The following SLC3A2 variants were observed in gnomAD, a reference collection of about 807,000 sequenced individuals.
The protein encoded by SLC3A2 is amino acid transporter heavy chain SLC3A2.
In SLC3A2, 32 loss-of-function variants were observed where a neutral mutation model predicts 48.5. The observed-to-expected ratio is 0.66, with a 90% CI of 0.50 to 0.89. The LOEUF is 0.89. SLC3A2 is among the 40% of genes least tolerant of loss of function. SLC3A2 has a pLI of 0.00. For synonymous variants in SLC3A2, 277 were observed against 288.8 expected (o/e 0.96, Z 0.41); for missense variants, 587 against 680.7 (o/e 0.86, Z 1.53).
At chr11:62,887,711 A>G (rs1311856263) in intron 7 of SLC3A2, among the ~76,000 whole-genome samples, 1 of 152,088 alleles carries the variant, frequency 6.6e-6, no homozygotes, top group East Asian at 1.9e-4. Context: ...AAAAAAAAAA[A>G]AAAAAAAAGT....
At chr11:62,884,862 G>A (rs12366036) in intron 5 of SLC3A2, among the ~76,000 whole-genome samples, 172 bp downstream of exon 5, 30 of 83,896 alleles carry the variant, frequency 3.6e-4, no homozygotes, top group Non-Finnish European at 5.7e-4. Flanking sequence ...ATGGAGTTCC[G>A]CTCTTTTTGC....
At chr11:62,867,747 C>G (rs2085468972) in intron 1 of SLC3A2, among the ~76,000 whole-genome samples, 1 of 152,022 alleles carries the variant, frequency 6.6e-6, no homozygotes, top group African/African-American at 2.4e-5. Context: ...TTTCAAAGTG[C>G]TGGGATTATA....
chr11:62,876,927 C>T, upstream of SLC3A2: 1 of 994,500 alleles, frequency 1.0e-6, no homozygotes, highest in Non-Finnish European at 1.2e-6. Context: ...TGAACAGTTA[C>T]AAGTCTTGGT....
At chr11:62,856,275 G>T in exon 1 of SLC3A2, 2 of 1,611,026 alleles carry the variant, frequency 1.2e-6, no homozygotes, top group Non-Finnish European at 1.7e-6. Context: ...CCTCCATGGA[G>T]CTACAGCCTC....
upstream of SLC3A2, among the ~76,000 whole-genome samples, chr11:62,878,158 C>CA (rs1231829472): frequency 0.038 from 4,441 of 116,114 alleles, 81 homozygotes; most frequent in Non-Finnish European, 0.046. Context: ...GACCCTGTCT[C>CA]AAAAAAAAAA....
chr11:62,884,895 G>A (rs1331255203), intron 5 of SLC3A2, among the ~76,000 whole-genome samples: 2 of 120,636 alleles, frequency 1.7e-5, no homozygotes, highest in African/African-American at 3.1e-5. Flanking sequence ...GCGATGGCGT[G>A]ATCTTGGCTC....
intron 1 of SLC3A2, among the ~76,000 whole-genome samples, chr11:62,856,931 C>G (rs1310310251): frequency 6.7e-6 from 1 of 150,302 alleles, no homozygotes; most frequent in Admixed American, 6.7e-5. Flanking sequence ...TCAAGCAATT[C>G]TCCTGCCTCA....
rs1408537161 is a variant in SLC3A2 at position 62,881,903 on chromosome 11, G to T, written c.435G>T (p.Gly145=). The T allele has an allele frequency of 6.2e-7, 1 of 1,614,058 alleles. No individual in the cohort carries two copies. The highest frequency in any genetic ancestry group is 1.7e-5 in the Admixed American group (1 of 60,020). Residue 145 remains glycine, a synonymous_variant, in exon 2 of 9, where the codon GGG becomes GGT. Coordinates refer to ENST00000338663, the MANE Select transcript of SLC3A2 (RefSeq NM_001013251.3). This position sits in a 1 kb window ranked among gnomAD's most constrained non-coding sequence, Gnocchi z 4.0. ...HGAGNLAGLK[G]RLDYLSSLKV... ...CAGCCCCCATTTCAGGTCTGAAGGG[G>T]CGTCTCGATTACCTGAGCTCTCTGA...
intron 1 of SLC3A2, among the ~76,000 whole-genome samples, chr11:62,859,757 T>C (rs556929388): frequency 1.2e-4 from 18 of 152,264 alleles, no homozygotes; most frequent in Non-Finnish European, 1.8e-4. Flanking sequence ...TTGCAACCTC[T>C]TGTGAGTGAC....
chr11:62,869,483 C>T (rs1206808399), intron 1 of SLC3A2, among the ~76,000 whole-genome samples: 1 of 138,020 alleles, frequency 7.2e-6, no homozygotes, highest in Non-Finnish European at 1.5e-5. Context: ...GAGATTGCAC[C>T]ACTGCACTCC....
Position 62,884,448 on chromosome 11 carries a change from C to T in SLC3A2, c.691-9C>T, listed in dbSNP as rs1172198169. On this transcript the variant is annotated splice_polypyrimidine_tract_variant and intron_variant, in intron 3 of 8. Transcript: ENST00000338663. The stretch of plus-strand genomic sequence containing the variant: ...TGATGTCTGTCCTTTATTCTTCTGC[C>T]CCCTATAGGATGCTCTGGAGTTTTG... The T allele has an allele frequency of 6.8e-6, 11 of 1,613,952 alleles. No individual in the cohort carries two copies. The highest frequency in any genetic ancestry group is 9.3e-6 in the Non-Finnish European group (11 of 1,179,984).
chr11:62,881,783 T>A lies in SLC3A2; in HGVS notation c.425-110T>A. 8.1e-7 allele frequency: 1 copy of A among 1,236,816 alleles called. No individual in the cohort carries two copies. Among genetic ancestry groups the A allele is most frequent in the Non-Finnish European group, 1.1e-6 (1 of 881,226 alleles). 76.6% of individuals were successfully genotyped at this position (1,236,816 alleles called of 1,614,324 possible). On this transcript the variant is annotated intron_variant, in intron 1 of 8. Coordinates refer to ENST00000338663, the MANE Select transcript of SLC3A2 (RefSeq NM_001013251.3). The surrounding 1 kb of genome is among the most constrained non-coding windows in gnomAD (Gnocchi z 4.0). The stretch of plus-strand genomic sequence containing the variant: ...CGTGATTCAGCCTTGCCTCCCTCTC[T>A]CCCCCTTTGCCCCCTCCCCGTCCCA...
chr11:62,881,722 A>C lies in SLC3A2; in HGVS notation c.425-171A>C. On this transcript the variant is annotated intron_variant, in intron 1 of 8. Transcript: ENST00000338663. This position sits in a 1 kb window ranked among gnomAD's most constrained non-coding sequence, Gnocchi z 4.0. ...CCAGTTGCAACCGGTTTCTGAAGTA[A>C]TGTGCAGGACTCCTTACATCAGCTC... 1.2e-6 allele frequency: 1 copy of C among 845,292 alleles called. No individual in the cohort carries two copies. The highest frequency in any genetic ancestry group is 1.8e-6 in the Non-Finnish European group (1 of 559,388). The allele number at this position is 845,292 out of a possible 1,614,324, so 52.4% of individuals were successfully genotyped here.
chr11:62,861,002 C>A (rs891720983), intron 1 of SLC3A2, among the ~76,000 whole-genome samples: 1 of 152,112 alleles, frequency 6.6e-6, no homozygotes, highest in African/African-American at 2.4e-5. Flanking sequence ...TTTCTTAGTA[C>A]AGATCAAAAT....
At chr11:62,878,171 AC>A (rs1454034857), upstream of SLC3A2, among the ~76,000 whole-genome samples, 1 of 151,830 alleles carries the variant, frequency 6.6e-6, no homozygotes, top group Non-Finnish European at 1.5e-5. Flanking sequence ...AAAAAAAAAA[AC>A]AAAAAACAAA....
chr11:62,881,504 C>T lies in SLC3A2; in HGVS notation c.424+57C>T, dbSNP rs995359232. 2 of 1,500,294 alleles carry T rather than the reference C, an allele frequency of 1.3e-6. No homozygotes were observed. Among genetic ancestry groups the T allele is most frequent in the Non-Finnish European group, 1.8e-6 (2 of 1,128,794 alleles). The allele number at this position is 1,500,294 out of a possible 1,614,324, so 92.9% of individuals were successfully genotyped here. A position where few individuals can be genotyped will look rare whatever the true frequency, so the allele number is the denominator to read the frequency against. ...TCCGGTTGAATCTGGTGGCTTGCACCGACCCCCTCCCCTGTCCCCAGACGG... is the reference window on the plus strand; with the variant it reads ...TCCGGTTGAATCTGGTGGCTTGCACTGACCCCCTCCCCTGTCCCCAGACGG... On this transcript the variant is annotated intron_variant, in intron 1 of 8. Transcript: ENST00000338663. The surrounding 1 kb of genome is among the most constrained non-coding windows in gnomAD (Gnocchi z 4.0).
chr11:62,876,082 C>G (rs2085568711), upstream of SLC3A2, among the ~76,000 whole-genome samples: 1 of 152,220 alleles, frequency 6.6e-6, no homozygotes, highest in South Asian at 2.1e-4. Context: ...CGAGGCTGGT[C>G]TCAAACTACT....
In SLC3A2 at chr11:62,885,324, G is replaced by A. The variant is rs1435477624; in HGVS notation, c.966G>A (p.Leu322=). ...CAAAATCCCTAGTCACACAGTATTT[G>A]AATGCCACTGGCAATCGCTGGTGCA... ...EHTKSLVTQY[L]NATGNRWCSW... The change falls in exon 6 of 9, where the codon TTG becomes TTA. Residue 322 remains leucine, a synonymous_variant. Coordinates refer to ENST00000338663, the MANE Select transcript of SLC3A2 (RefSeq NM_001013251.3). 1 of 1,614,076 alleles carries A rather than the reference G, an allele frequency of 6.2e-7. No homozygotes were observed. Among genetic ancestry groups the A allele is most frequent in the African/African-American group, 1.3e-5 (1 of 74,930 alleles).
At chr11:62,863,426 T>A (rs555876194) in intron 1 of SLC3A2, among the ~76,000 whole-genome samples, 1 of 152,238 alleles carries the variant, frequency 6.6e-6, no homozygotes, top group Non-Finnish European at 1.5e-5. Context: ...CTCACTATGG[T>A]GCCTAGGCGG....
Sources: allele counts gnomAD v4.1 joint callset (sites outside exome capture counted in the v4.1 genomes callset), GRCh38; gene constraint gnomAD v4.1.1; non-coding constraint Gnocchi (gnomAD v3.1); transcripts MANE v1.5; gene names NCBI Gene and HGNC (gene_info 2026-07-23, HGNC 2026-07-21).